Variants in NCOA2 observed in about 807,000 individuals in gnomAD.
NCOA2 encodes the protein class E basic helix-loop-helix protein 75.
NCOA2 carries 21 observed loss-of-function variants against 145.1 expected under a neutral mutation model. The ratio of observed to expected loss-of-function variants is 0.14; its 90% CI spans 0.10 to 0.21. The LOEUF (loss-of-function observed/expected upper bound fraction) is 0.21. Among genes scored for constraint, NCOA2 ranks in the 10% least tolerant of loss-of-function variants. NCOA2 has a pLI of 1.00. For synonymous variants in NCOA2, 619 were observed against 637.5 expected (o/e 0.97, Z 0.44); for missense variants, 1,472 against 1,837.6 (o/e 0.80, Z 3.64).
At chr8:70,293,046 A>AT (rs996008244) in intron 2 of NCOA2, among the ~76,000 whole-genome samples, 1 of 150,904 alleles carries the variant, frequency 6.6e-6, no homozygotes. Context: ...GTCAACTTAA[A>AT]TTTTTTTTTT....
upstream of NCOA2, among the ~76,000 whole-genome samples, chr8:70,407,632 C>CA (rs764097685): frequency 2.7e-3 from 339 of 125,414 alleles, 1 homozygote; most frequent in Middle Eastern, 8.0e-3. Flanking sequence ...ACTAAAAATA[C>CA]AAAAAAAAAA....
intron 2 of NCOA2, among the ~76,000 whole-genome samples, chr8:70,284,045 C>T (rs1047022204): frequency 6.6e-6 from 1 of 152,150 alleles, no homozygotes; most frequent in African/African-American, 2.4e-5. Flanking sequence ...TAGAAACAGC[C>T]CCCTCTCCTC....
intron 1 of NCOA2, among the ~76,000 whole-genome samples, chr8:70,377,535 G>C (rs1004676640): frequency 2.0e-5 from 3 of 151,944 alleles, no homozygotes; most frequent in African/African-American, 7.3e-5. Flanking sequence ...AGGTTGAACA[G>C]CTTTAAAAAA....
In NCOA2 at chr8:70,116,647, A is replaced by G. The variant is rs117573808; in HGVS notation, c.4384-3004T>C. Among the ~76,000 whole-genome samples, 92 of 152,340 alleles carry G rather than the reference A, an allele frequency of 6.0e-4. No homozygotes were observed. In the East Asian group the frequency reaches 0.016, roughly 27 times the overall value. The stretch of plus-strand genomic sequence containing the variant: ...TGACTGAACCCCTGTCAATGTGCAC[A>G]TAAGTAGCACAGTGACAAATCCAAG... On this transcript the variant is annotated intron_variant, in intron 22 of 22. Coordinates refer to ENST00000452400, the MANE Select transcript of NCOA2 (RefSeq NM_006540.4).
At chr8:70,361,546 C>A (rs568356729) in intron 1 of NCOA2, among the ~76,000 whole-genome samples, 1 of 152,104 alleles carries the variant, frequency 6.6e-6, no homozygotes, top group Non-Finnish European at 1.5e-5. Flanking sequence ...AATCTTAATT[C>A]ATTTTAGATG....
At chr8:70,423,423 T>A in the NCOA2 span, among the ~76,000 whole-genome samples, 1 of 152,154 alleles carries the variant, frequency 6.6e-6, no homozygotes, top group Non-Finnish European at 1.5e-5. Flanking sequence ...CCTCAGGTGA[T>A]CTGCCCACCT....
chr8:70,138,932 G>C (rs922976240), intron 14 of NCOA2, among the ~76,000 whole-genome samples: 1 of 152,272 alleles, frequency 6.6e-6, no homozygotes, highest in Non-Finnish European at 1.5e-5. Flanking sequence ...GAGTGAAGAA[G>C]CCAACAGTGT....
At chr8:70,131,763 C>G (rs1293267732) in intron 16 of NCOA2, 74 bp downstream of exon 16, 1 of 1,449,328 alleles carries the variant, frequency 6.9e-7, no homozygotes, top group African/African-American at 1.4e-5. Flanking sequence ...CCGTGGAGTA[C>G]CTGTAAACAG....
intron 22 of NCOA2, among the ~76,000 whole-genome samples, chr8:70,120,859 G>T (rs1296850511): frequency 1.3e-5 from 2 of 152,144 alleles, no homozygotes; most frequent in Non-Finnish European, 2.9e-5. Flanking sequence ...CCCTTAAGAA[G>T]ACTTAATTAA....
At chr8:70,304,991 G>A (rs939530879) in intron 1 of NCOA2, among the ~76,000 whole-genome samples, 2 of 150,946 alleles carry the variant, frequency 1.3e-5, no homozygotes, top group African/African-American at 4.9e-5. Context: ...TGAGTAGCTA[G>A]GACTATATTA....
At chr8:70,448,301 A>G in the NCOA2 span, among the ~76,000 whole-genome samples, 1 of 152,218 alleles carries the variant, frequency 6.6e-6, no homozygotes, top group Non-Finnish European at 1.5e-5. Flanking sequence ...TAATATTTTT[A>G]TAAGTATGCT....
intron 2 of NCOA2, among the ~76,000 whole-genome samples, chr8:70,284,572 A>G (rs555744379): frequency 4.6e-5 from 7 of 152,298 alleles, no homozygotes; most frequent in Non-Finnish European, 8.8e-5. Context: ...ACCTTCTCCC[A>G]TCCCCCTTTG....
rs143060463 is a variant in NCOA2, at chr8:70,163,346, C to A, written c.832+119G>T. ...GTCCTCCAACTCCTTGACATTTCTA[C>A]TGCAGCAGCAATTGCTAGTACTAGC... On this transcript the variant is annotated intron_variant, in intron 8 of 22. Transcript: ENST00000452400. 4.5e-5 allele frequency: 31 copies of A among 693,736 alleles called. No homozygotes were observed. The East Asian group carries it at 8.4e-4, about 19-fold the overall frequency. The allele number at this position is 693,736 out of a possible 1,614,324, so 43.0% of individuals were successfully genotyped here. A position where few individuals can be genotyped will look rare whatever the true frequency, so the allele number is the denominator to read the frequency against.
Position 70,148,378 on chromosome 8 carries a change from C to A in NCOA2, c.2500G>T (p.Val834Phe). ...TCATTGATGATGGCTTGCTTGTCAA[C>A]TGATCCAGCAGGGGCGCCTGGCCTC... Reference protein sequence around the residue: ...DTRPGAPAGSVDKQAIINDLM... With the variant: ...DTRPGAPAGSFDKQAIINDLM... Residue 834 changes from valine (V) to phenylalanine (F), a missense_variant, in exon 12 of 23, where the codon GTT becomes TTT. Coordinates refer to ENST00000452400, the MANE Select transcript of NCOA2 (RefSeq NM_006540.4). The A allele has an allele frequency of 6.2e-7, 1 of 1,613,952 alleles. No individual in the cohort carries two copies.
intron 2 of NCOA2, among the ~76,000 whole-genome samples, chr8:70,222,881 G>A (rs1460893756): frequency 1.3e-5 from 2 of 152,164 alleles, no homozygotes; most frequent in African/African-American, 2.4e-5. Context: ...CAACATGGGC[G>A]AAAATGTCTA....
At chr8:70,289,357 T>TA (rs1433428155) in intron 2 of NCOA2, among the ~76,000 whole-genome samples, 3 of 152,240 alleles carry the variant, frequency 2.0e-5, no homozygotes, top group African/African-American at 7.2e-5. Flanking sequence ...CTTTTAAAGA[T>TA]AGTCTTTTAT....
intron 15 of NCOA2, among the ~76,000 whole-genome samples, chr8:70,134,769 CTTTTT>C (rs1164559349): frequency 2.6e-5 from 4 of 152,200 alleles, no homozygotes; most frequent in East Asian, 3.9e-4. Flanking sequence ...ACATGCTTTT[CTTTTT>C]TAATTTAAAA....
At chr8:70,385,132 C>T (rs1394444249) in intron 1 of NCOA2, among the ~76,000 whole-genome samples, 2 of 152,172 alleles carry the variant, frequency 1.3e-5, no homozygotes, top group Non-Finnish European at 2.9e-5. Context: ...TGGGTCTTGT[C>T]TTCAAGACTA....
At chr8:70,437,324 C>T in the NCOA2 span, among the ~76,000 whole-genome samples, 1 of 152,146 alleles carries the variant, frequency 6.6e-6, no homozygotes, top group Non-Finnish European at 1.5e-5. Context: ...TCTGTGTGCC[C>T]CAGTGGATCA....
Sources: allele counts gnomAD v4.1 joint callset (sites outside exome capture counted in the v4.1 genomes callset), GRCh38; gene constraint gnomAD v4.1.1; transcripts MANE v1.5; gene names NCBI Gene and HGNC (gene_info 2026-07-23, HGNC 2026-07-21).